The following RBFOX1 variants were observed in gnomAD, a reference collection of about 807,000 sequenced individuals.
RBFOX1 encodes RNA binding fox-1 homolog 1, also known as RNA binding protein fox-1 homolog 1.
Under a neutral mutation model 57.7 loss-of-function variants are expected in RBFOX1, and 8 were observed. That is an observed-to-expected ratio of 0.14 (90% CI 0.08 to 0.25). The LOEUF is 0.25. Among genes scored for constraint, RBFOX1 ranks in the 10% least tolerant of loss-of-function variants. RBFOX1 has a pLI of 1.00. For missense variants in RBFOX1, 611 were observed against 548.5 expected (o/e 1.11, Z -1.14); for synonymous variants, 326 against 222.4 (o/e 1.47, Z -4.15).
intron 3 of RBFOX1, among the ~76,000 whole-genome samples, chr16:6,675,149 C>A (rs2057412901): frequency 6.6e-6 from 1 of 152,048 alleles, no homozygotes; most frequent in Non-Finnish European, 1.5e-5. Flanking sequence ...CGTGATCCGC[C>A]CACCTCGGCC....
At chr16:5,939,250 T>C (rs542156714) in intron 4 of RBFOX1, among the ~76,000 whole-genome samples, 32 of 152,200 alleles carry the variant, frequency 2.1e-4, no homozygotes, top group Non-Finnish European at 3.8e-4. Context: ...AAAAAGTTAA[T>C]CATATTAGTA....
At chr16:6,923,381 C>G (rs112220127) in intron 3 of RBFOX1, among the ~76,000 whole-genome samples, 1 of 151,850 alleles carries the variant, frequency 6.6e-6, no homozygotes, top group Non-Finnish European at 1.5e-5. Context: ...TAACAATACA[C>G]AAATTAGCAG....
intron 1 of RBFOX1, among the ~76,000 whole-genome samples, chr16:6,174,028 G>C (rs1333731673): frequency 6.6e-6 from 1 of 152,132 alleles, no homozygotes; most frequent in Non-Finnish European, 1.5e-5. Context: ...CAACTCTGTA[G>C]TAGCAGACTC....
At chr16:6,644,191 T>C (rs2098515031) in intron 2 of RBFOX1, among the ~76,000 whole-genome samples, 1 of 152,198 alleles carries the variant, frequency 6.6e-6, no homozygotes, top group African/African-American at 2.4e-5. Flanking sequence ...TAAACTCATA[T>C]TCAGTGACTT....
chr16:7,126,115 T>C (rs1366181480), intron 4 of RBFOX1, among the ~76,000 whole-genome samples: 5 of 152,120 alleles, frequency 3.3e-5, no homozygotes, highest in Non-Finnish European at 5.9e-5. Flanking sequence ...TAAAAAAGTT[T>C]ACATGAATGA....
At chr16:7,087,733 C>G (rs529722285) in intron 4 of RBFOX1, among the ~76,000 whole-genome samples, 2 of 152,136 alleles carry the variant, frequency 1.3e-5, no homozygotes, top group South Asian at 2.1e-4. Context: ...AAGGACTTGA[C>G]AGGAAAAGGC....
At chr16:5,368,501 G>A (rs959361000) in intron 1 of RBFOX1, among the ~76,000 whole-genome samples, 3 of 152,194 alleles carry the variant, frequency 2.0e-5, no homozygotes, top group Admixed American at 2.0e-4. Flanking sequence ...TCTATTTAGA[G>A]GAACTTGAGA....
rs2078113955 is a variant in RBFOX1 at position 6,940,169 on chromosome 16, G to C, written c.-15-111888G>C. The stretch of plus-strand genomic sequence containing the variant: ...ATCACGCTGCTCCACTCCAGTCTGG[G>C]CAACAGAGTGAGACTCCATCTCAAA... On this transcript the variant is annotated intron_variant, in intron 3 of 15. Transcript: ENST00000550418. Among the ~76,000 whole-genome samples the C allele has an allele frequency of 3.9e-5, 6 of 151,904 alleles. No homozygotes were observed. The South Asian group carries it at 1.3e-3, about 32-fold the overall frequency.
chr16:6,458,208 AG>A (rs2094824222), intron 2 of RBFOX1, among the ~76,000 whole-genome samples: 1 of 152,156 alleles, frequency 6.6e-6, no homozygotes, highest in Non-Finnish European at 1.5e-5. Context: ...GAGCTCTGGA[AG>A]TTCGTCTGCA....
chr16:6,172,267 C>T (rs531998822), intron 1 of RBFOX1, among the ~76,000 whole-genome samples: 16 of 151,388 alleles, frequency 1.1e-4, no homozygotes, highest in African/African-American at 2.4e-4. Flanking sequence ...GAGTGGGCCC[C>T]GGACAGCGGG....
intron 1 of RBFOX1, among the ~76,000 whole-genome samples, chr16:6,112,596 C>G (rs527667180): frequency 6.6e-5 from 10 of 152,262 alleles, no homozygotes; most frequent in Middle Eastern, 6.8e-3. Context: ...GAGGCTGAGG[C>G]AGGATAATCG....
chr16:7,218,603 T>A (rs549161707), intron 4 of RBFOX1, among the ~76,000 whole-genome samples: 17 of 149,114 alleles, frequency 1.1e-4, no homozygotes, highest in African/African-American at 4.0e-4. Flanking sequence ...AAGACGTGAT[T>A]TGACTTAGGG....
intron 2 of RBFOX1, among the ~76,000 whole-genome samples, chr16:6,326,840 C>T (rs951706543): frequency 1.3e-5 from 2 of 152,094 alleles, no homozygotes; most frequent in Non-Finnish European, 2.9e-5. Flanking sequence ...GCAGATGGCC[C>T]GAGAGCATAA....
intron 14 of RBFOX1, among the ~76,000 whole-genome samples, chr16:7,683,679 T>C (rs947783548): frequency 1.3e-5 from 2 of 152,032 alleles, no homozygotes; most frequent in African/African-American, 4.8e-5. Context: ...ATTGACTTGA[T>C]AGGCCACAAA....
chr16:6,359,747 C>A (rs543494378), intron 2 of RBFOX1, among the ~76,000 whole-genome samples: 81 of 152,206 alleles, frequency 5.3e-4, no homozygotes, highest in Middle Eastern at 3.4e-3. Context: ...TATAAGCCAG[C>A]CTTATACTTA....
intron 4 of RBFOX1, among the ~76,000 whole-genome samples, chr16:7,185,975 T>A (rs1353837601): frequency 6.6e-6 from 1 of 152,178 alleles, no homozygotes; most frequent in African/African-American, 2.4e-5. Flanking sequence ...AGCCATTAGT[T>A]CCTATGTTTA....
intron 3 of RBFOX1, among the ~76,000 whole-genome samples, chr16:6,760,172 CTA>C (rs1204340368): frequency 6.6e-6 from 1 of 152,128 alleles, no homozygotes; most frequent in Non-Finnish European, 1.5e-5. Flanking sequence ...ATAAGCATCG[CTA>C]TGTTTGACTC....
At chr16:5,591,658 C>T (rs913950168) in intron 2 of RBFOX1, among the ~76,000 whole-genome samples, 9 of 152,194 alleles carry the variant, frequency 5.9e-5, no homozygotes, top group Non-Finnish European at 1.3e-4. Flanking sequence ...ATGTGGAGTA[C>T]TATACATACC....
At chr16:7,386,203 A>C (rs1328787883) in intron 4 of RBFOX1, among the ~76,000 whole-genome samples, 2 of 151,986 alleles carry the variant, frequency 1.3e-5, no homozygotes, top group African/African-American at 4.8e-5. Context: ...TGCATCCCCC[A>C]AGTTCTTTCC....
Sources: allele counts gnomAD v4.1 joint callset (sites outside exome capture counted in the v4.1 genomes callset), GRCh38; gene constraint gnomAD v4.1.1; transcripts MANE v1.5; gene names NCBI Gene and HGNC (gene_info 2026-07-23, HGNC 2026-07-21).